DPP10: variants seen among roughly 807,000 people sequenced by gnomAD.
The protein encoded by DPP10 is inactive dipeptidyl peptidase 10.
DPP10 carries 33 observed loss-of-function variants against 120.9 expected under a neutral mutation model. The observed-to-expected ratio is 0.27, with a 90% CI of 0.21 to 0.37. The LOEUF (loss-of-function observed/expected upper bound fraction) is 0.37. Ranked by LOEUF, DPP10 falls within the 10% of genes least tolerant of loss-of-function variation. The probability of loss-of-function intolerance (pLI) is 1.00; values close to 1 mark genes in which losing one functional copy is unlikely to be tolerated. For synonymous variants in DPP10, 337 were observed against 326.1 expected, an observed-to-expected ratio of 1.03 and a Z score of -0.36; for missense variants, 816 against 942.8, an observed-to-expected ratio of 0.87 and a Z score of 1.76.
At chr2:114,967,438 T>C (rs1353882192) in intron 1 of DPP10, among the ~76,000 whole-genome samples, 1 of 152,150 alleles carries the variant, frequency 6.6e-6, no homozygotes, top group South Asian at 2.1e-4. Flanking sequence ...GTCTGGATTC[T>C]CAGTGAAATT....
intron 1 of DPP10, among the ~76,000 whole-genome samples, chr2:114,977,108 A>G (rs1699801258): frequency 6.6e-6 from 1 of 152,078 alleles, no homozygotes; most frequent in Non-Finnish European, 1.5e-5. Context: ...GTTTGCTTTG[A>G]TAATTTTTAT....
At chr2:115,660,631 C>T (rs185358305) in intron 5 of DPP10, among the ~76,000 whole-genome samples, 12 of 101,098 alleles carry the variant, frequency 1.2e-4, no homozygotes, top group African/African-American at 3.8e-4. Context: ...TGTCTCATTC[C>T]TTCCTTTCAT....
intron 3 of DPP10, among the ~76,000 whole-genome samples, chr2:115,408,076 C>G (rs2104551982): frequency 6.6e-6 from 1 of 151,952 alleles, no homozygotes; most frequent in East Asian, 1.9e-4. Context: ...TCTTGTATCT[C>G]CCAGTCTCGG....
At chr2:115,401,096 C>T (rs914014350) in intron 3 of DPP10, among the ~76,000 whole-genome samples, 9 of 152,244 alleles carry the variant, frequency 5.9e-5, no homozygotes, top group Middle Eastern at 3.4e-3. Context: ...GATAAGGTCT[C>T]GCATATCACT....
intron 1 of DPP10, among the ~76,000 whole-genome samples, chr2:114,918,038 A>G (rs778779864): frequency 2.0e-5 from 3 of 152,140 alleles, no homozygotes; most frequent in Non-Finnish European, 4.4e-5. Context: ...GGGAGAAAAT[A>G]TTCTCAAACT....
At chr2:115,818,339 A>C (rs994558976) in intron 21 of DPP10, among the ~76,000 whole-genome samples, 3 of 152,250 alleles carry the variant, frequency 2.0e-5, no homozygotes, top group Non-Finnish European at 4.4e-5. Flanking sequence ...AAAAAAGTAC[A>C]TGCAGTAGGG....
intron 1 of DPP10, among the ~76,000 whole-genome samples, chr2:114,727,512 G>A (rs982635940): frequency 3.3e-5 from 5 of 152,174 alleles, no homozygotes; most frequent in Non-Finnish European, 5.9e-5. Context: ...AAGTTAAAGC[G>A]TGAGGCACTG....
chr2:115,790,959 T>C (rs1683905579), intron 17 of DPP10, 122 bp from the exon 18 acceptor site: 1 of 579,070 alleles, frequency 1.7e-6, no homozygotes, highest in African/African-American at 1.9e-5. Context: ...AAAAGAGAAA[T>C]GATGAGTTAA....
At chr2:115,478,070 G>A (rs376322369) in intron 3 of DPP10, among the ~76,000 whole-genome samples, 3 of 152,134 alleles carry the variant, frequency 2.0e-5, no homozygotes, top group Non-Finnish European at 2.9e-5. Flanking sequence ...CAAAAGGATG[G>A]CACTAAGCCA....
chr2:114,676,117 A>G (rs1043490804), intron 1 of DPP10, among the ~76,000 whole-genome samples: 4 of 152,132 alleles, frequency 2.6e-5, no homozygotes, highest in African/African-American at 4.8e-5. Flanking sequence ...AAGAATGCTT[A>G]TTAACTGTAT....
chr2:114,467,248 T>G (rs2104594378), intron 1 of DPP10, among the ~76,000 whole-genome samples: 1 of 152,288 alleles, frequency 6.6e-6, no homozygotes, highest in Middle Eastern at 3.4e-3. Context: ...AATTGCAAAC[T>G]CAATTGCTTA....
At chr2:115,380,399 T>G (rs2106462484) in intron 3 of DPP10, among the ~76,000 whole-genome samples, 1 of 152,314 alleles carries the variant, frequency 6.6e-6, no homozygotes, top group Middle Eastern at 3.4e-3. Flanking sequence ...GTTTTCCATT[T>G]GCTTGGTAGA....
At chr2:115,239,367 T>C (rs1225694681) in intron 1 of DPP10, among the ~76,000 whole-genome samples, 1 of 152,064 alleles carries the variant, frequency 6.6e-6, no homozygotes, top group African/African-American at 2.4e-5. Flanking sequence ...GCAAAATCCA[T>C]CGTCTTAATT....
chr2:114,738,282 A>G (rs1456740005), intron 1 of DPP10, among the ~76,000 whole-genome samples: 2 of 152,180 alleles, frequency 1.3e-5, no homozygotes, highest in East Asian at 3.9e-4. Flanking sequence ...AGTGCTTGGC[A>G]TATGGTAAGA....
intron 2 of DPP10, among the ~76,000 whole-genome samples, chr2:115,342,873 G>A (rs896437109): frequency 1.7e-4 from 26 of 151,946 alleles, no homozygotes; most frequent in East Asian, 7.7e-4. Context: ...TGCATTTGAC[G>A]TTATTGACTC....
rs1672092448 is a variant in DPP10, at chr2:115,734,507, T to G, written c.698-5232T>G. On this transcript the variant is annotated intron_variant, in intron 8 of 25. Coordinates refer to ENST00000410059, the MANE Select transcript of DPP10 (RefSeq NM_020868.6). ...CCCGTCTCTAATAAAAATACAAAAA[T>G]TAGCTGGGCCTGGTGGTGAGCACCT... Among the ~76,000 whole-genome samples, 3 of 151,884 alleles carry G rather than the reference T, an allele frequency of 2.0e-5. No individual in the cohort carries two copies. The South Asian group carries it at 6.3e-4, about 32-fold the overall frequency.
chr2:114,847,623 C>A (rs948795725), intron 1 of DPP10, among the ~76,000 whole-genome samples: 1 of 152,136 alleles, frequency 6.6e-6, no homozygotes, highest in Non-Finnish European at 1.5e-5. Context: ...GCAGAGATTA[C>A]GTGAGTGTAT....
chr2:115,309,777 A>C (rs1164201964), intron 2 of DPP10, among the ~76,000 whole-genome samples: 1 of 152,074 alleles, frequency 6.6e-6, no homozygotes. Flanking sequence ...GATCAGATCG[A>C]AAGAGAGTGA....
At chr2:115,468,683 G>C (rs1000166127) in intron 3 of DPP10, 21 of 354,454 alleles carry the variant, frequency 5.9e-5, no homozygotes, top group African/African-American at 4.5e-4. Context: ...GATTAAAAAG[G>C]AAGAGCAGGC....
Sources: allele counts gnomAD v4.1 joint callset (sites outside exome capture counted in the v4.1 genomes callset), GRCh38; gene constraint gnomAD v4.1.1; transcripts MANE v1.5; gene names NCBI Gene and HGNC (gene_info 2026-07-23, HGNC 2026-07-21).